The following RBFOX1 variants were observed in gnomAD, a reference collection of about 807,000 sequenced individuals.
RBFOX1 encodes the protein RNA binding fox-1 homolog 1.
A neutral mutation model predicts 57.7 loss-of-function variants in RBFOX1; 8 were observed. That is an observed-to-expected ratio of 0.14 (90% CI 0.08 to 0.25). RBFOX1 has a LOEUF of 0.25. Ranked by LOEUF, RBFOX1 falls within the 10% of genes least tolerant of loss-of-function variation. The pLI is 1.00. For missense variants in RBFOX1, 611 were observed against 548.5 expected, an observed-to-expected ratio of 1.11 and a Z score of -1.14; for synonymous variants, 326 against 222.4, an observed-to-expected ratio of 1.47 and a Z score of -4.15.
At chr16:5,642,071 C>G (rs568087339) in intron 3 of RBFOX1, among the ~76,000 whole-genome samples, 2 of 152,112 alleles carry the variant, frequency 1.3e-5, no homozygotes, top group South Asian at 4.1e-4. Flanking sequence ...AGGCCATGGT[C>G]TGGACTTAGG....
intron 2 of RBFOX1, among the ~76,000 whole-genome samples, chr16:6,443,429 G>A (rs910601922): frequency 2.0e-5 from 3 of 152,100 alleles, no homozygotes; most frequent in African/African-American, 7.2e-5. Flanking sequence ...CCTTGTTTAG[G>A]AGGTTTTGCA....
At chr16:7,029,073 TATATATATACACACACAC>T (rs1304644323) in intron 3 of RBFOX1, among the ~76,000 whole-genome samples, 10 of 45,620 alleles carry the variant, frequency 2.2e-4, no homozygotes, top group African/African-American at 1.5e-3. Context: ...TATATATATA[TATATATATACACACACAC>T]ACACACACAC....
chr16:6,226,557 T>G (rs1163378128), intron 1 of RBFOX1, among the ~76,000 whole-genome samples: 2 of 152,084 alleles, frequency 1.3e-5, no homozygotes, highest in Non-Finnish European at 2.9e-5. Flanking sequence ...TGAAGCATAT[T>G]GTATGAATTG....
intron 2 of RBFOX1, among the ~76,000 whole-genome samples, chr16:5,543,528 A>G (rs542741761): frequency 1.3e-4 from 20 of 152,346 alleles, no homozygotes; most frequent in African/African-American, 4.6e-4. Context: ...AGAGAACAGC[A>G]TTAGTAATCT....
chr16:6,127,842 T>G (rs2096601172), intron 1 of RBFOX1, among the ~76,000 whole-genome samples: 1 of 152,180 alleles, frequency 6.6e-6, no homozygotes, highest in Non-Finnish European at 1.5e-5. Context: ...TAAAAAAAAT[T>G]TTTTTCTTTA....
chr16:6,905,137 A>G (rs1359714065), intron 3 of RBFOX1, among the ~76,000 whole-genome samples: 1 of 152,112 alleles, frequency 6.6e-6, no homozygotes, highest in African/African-American at 2.4e-5. Context: ...CAGCATTAGC[A>G]TTTTACAGTT....
chr16:5,763,807 A>C (rs917235299), intron 3 of RBFOX1, among the ~76,000 whole-genome samples: 1 of 152,276 alleles, frequency 6.6e-6, no homozygotes, highest in Middle Eastern at 3.4e-3. Flanking sequence ...CCTTTGCTCA[A>C]ATGCTCCCTT....
chr16:7,153,277 A>C (rs1243748145), intron 4 of RBFOX1, among the ~76,000 whole-genome samples: 4 of 152,124 alleles, frequency 2.6e-5, no homozygotes, highest in Admixed American at 2.0e-4. Flanking sequence ...ATGGGTCAGA[A>C]TCTCCTGAAC....
At chr16:7,036,586 G>C (rs1048603742) in intron 3 of RBFOX1, among the ~76,000 whole-genome samples, 1 of 151,944 alleles carries the variant, frequency 6.6e-6, no homozygotes, top group Non-Finnish European at 1.5e-5. Context: ...CCAACTATTC[G>C]GGAGGCTGAG....
chr16:6,817,860 A>G (rs752230928), intron 3 of RBFOX1, among the ~76,000 whole-genome samples: 1 of 152,186 alleles, frequency 6.6e-6, no homozygotes, highest in Non-Finnish European at 1.5e-5. Context: ...CATATCAGAC[A>G]GGAGATCCCA....
At chr16:6,100,622 A>G (rs1218749362) in intron 1 of RBFOX1, among the ~76,000 whole-genome samples, 1 of 152,158 alleles carries the variant, frequency 6.6e-6, no homozygotes, top group Non-Finnish European at 1.5e-5. Flanking sequence ...ACGAATATTT[A>G]TTGAGTTGCT....
At chr16:6,772,617 GTGTA>G (rs1457943993) in intron 3 of RBFOX1, among the ~76,000 whole-genome samples, 1 of 150,132 alleles carries the variant, frequency 6.7e-6, no homozygotes, top group Non-Finnish European at 1.5e-5. Flanking sequence ...GTGAGTGTAT[GTGTA>G]TGTGTGAGTG....
chr16:7,045,258 G>A (rs553085695), intron 3 of RBFOX1, among the ~76,000 whole-genome samples: 2 of 152,218 alleles, frequency 1.3e-5, no homozygotes, highest in African/African-American at 4.8e-5. Flanking sequence ...AATAATTTAT[G>A]AAATGGAACA....
In RBFOX1 at chr16:5,492,194, C is replaced by G. The variant is rs147324776; in HGVS notation, c.258+24940C>G. On this transcript the variant is annotated intron_variant, in intron 2 of 2. Coordinates refer to the RBFOX1 transcript ENST00000585867. ...TCAAAGTATAAGAACCCTGAACTACCTACTCCTCTCTGCAGATACAGAGGC... is the reference window on the plus strand; with the variant it reads ...TCAAAGTATAAGAACCCTGAACTACGTACTCCTCTCTGCAGATACAGAGGC... 3.3e-5 allele frequency among the ~76,000 whole-genome samples: 5 copies of G among 152,318 alleles called. No homozygotes were observed. The East Asian group carries it at 7.7e-4, about 23-fold the overall frequency.
intron 3 of RBFOX1, among the ~76,000 whole-genome samples, chr16:6,792,145 T>C (rs1291820934): frequency 6.6e-6 from 1 of 152,132 alleles, no homozygotes; most frequent in Admixed American, 6.5e-5. Flanking sequence ...TTGAAACACA[T>C]AAACTATGCT....
intron 14 of RBFOX1, among the ~76,000 whole-genome samples, chr16:7,704,526 C>A (rs1474585577): frequency 1.3e-5 from 2 of 152,128 alleles, no homozygotes; most frequent in Non-Finnish European, 2.9e-5. Flanking sequence ...AGTGTCTCTC[C>A]CAGGCCCCAT....
chr16:7,461,962 A>C (rs1599001789), intron 4 of RBFOX1, among the ~76,000 whole-genome samples: 1 of 152,324 alleles, frequency 6.6e-6, no homozygotes, highest in East Asian at 1.9e-4. Context: ...GCCTCCTGTG[A>C]GGTGAACGGA....
chr16:5,760,922 C>T (rs985265163), intron 3 of RBFOX1, among the ~76,000 whole-genome samples: 2 of 152,108 alleles, frequency 1.3e-5, no homozygotes, highest in African/African-American at 4.8e-5. Context: ...GAGGTGGTTG[C>T]ACAACATTGT....
At chr16:6,490,131 C>A (rs2095599047) in intron 2 of RBFOX1, among the ~76,000 whole-genome samples, 3 of 152,210 alleles carry the variant, frequency 2.0e-5, no homozygotes, top group East Asian at 1.9e-4. Context: ...AATGACCATG[C>A]CTATCTCAGT....
Sources: allele counts gnomAD v4.1 joint callset (sites outside exome capture counted in the v4.1 genomes callset), GRCh38; gene constraint gnomAD v4.1.1; transcripts MANE v1.5; gene names NCBI Gene and HGNC (gene_info 2026-07-23, HGNC 2026-07-21).